The following GSKIP variants were observed in gnomAD, a reference collection of about 807,000 sequenced individuals.
GSKIP encodes GSK3B interacting protein, also known as GSK3B-interacting protein.
GSKIP carries 5 observed loss-of-function variants against 11.9 expected under a neutral mutation model. The ratio of observed to expected loss-of-function variants is 0.42; its 90% CI spans 0.22 to 0.89. GSKIP has a LOEUF of 0.89. Among genes scored for constraint, GSKIP ranks in the 40% least tolerant of loss-of-function variants. The pLI is 0.29. For synonymous variants in GSKIP, 70 were observed against 62.9 expected (o/e 1.11, Z -0.54); for missense variants, 150 against 166.6 (o/e 0.90, Z 0.55).
intron 2 of GSKIP, chr14:96,380,426 C>T (rs946711945): frequency 3.3e-5 from 5 of 152,142 alleles, no homozygotes. Flanking sequence ...TAATTTAGAG[C>T]AGTGGCTGCA....
intron 1 of GSKIP, among the ~76,000 whole-genome samples, chr14:96,369,834 C>G (rs1888995114): frequency 6.6e-6 from 1 of 152,148 alleles, no homozygotes; most frequent in Non-Finnish European, 1.5e-5. Flanking sequence ...AGAGTCTCCA[C>G]TGGGGTATTG....
intron 1 of GSKIP, among the ~76,000 whole-genome samples, chr14:96,377,525 C>T (rs1889234755): frequency 6.6e-6 from 1 of 152,090 alleles, no homozygotes; most frequent in Admixed American, 6.5e-5. Context: ...TCCATCTTTA[C>T]CTTCTGTTTA....
intron 2 of GSKIP, among the ~76,000 whole-genome samples, chr14:96,380,942 G>C (rs1042384946): frequency 6.6e-6 from 1 of 152,168 alleles, no homozygotes; most frequent in African/African-American, 2.4e-5. Flanking sequence ...ACTAGACCTT[G>C]ACCACAGTGC....
intron 1 of GSKIP, chr14:96,364,026 T>G (rs960723057): frequency 4.6e-5 from 7 of 152,288 alleles, no homozygotes; most frequent in Admixed American, 3.3e-4. Flanking sequence ...ATAGCAACGA[T>G]CAGGAAACTT....
At chr14:96,376,492 G>A (rs1210307642) in intron 1 of GSKIP, among the ~76,000 whole-genome samples, 2 of 152,180 alleles carry the variant, frequency 1.3e-5, no homozygotes, top group African/African-American at 4.8e-5. Context: ...ATTATAGAAT[G>A]TCAAAGCTCT....
At chr14:96,370,852 A>G (rs1413698036) in intron 1 of GSKIP, among the ~76,000 whole-genome samples, 1 of 152,202 alleles carries the variant, frequency 6.6e-6, no homozygotes, top group Non-Finnish European at 1.5e-5. Flanking sequence ...TCTTTACAGC[A>G]ATACATAGAG....
At chr14:96,365,362 T>C (rs774800364) in intron 1 of GSKIP, 3 of 151,562 alleles carry the variant, frequency 2.0e-5, no homozygotes, top group Non-Finnish European at 4.4e-5. Flanking sequence ...AGAGTTGTTT[T>C]CCATGCAAGG....
At chr14:96,371,442 C>CTTTTTT (rs570686090) in intron 1 of GSKIP, among the ~76,000 whole-genome samples, 1 of 112,800 alleles carries the variant, frequency 8.9e-6, no homozygotes, top group Non-Finnish European at 1.8e-5. Context: ...TATCAACAAT[C>CTTTTTT]TTTTTTTTTT....
chr14:96,386,400 G>A lies in GSKIP; in HGVS notation c.*716G>A, dbSNP rs1889491584. 6.6e-6 allele frequency: 1 copy of A among 152,542 alleles called. No homozygotes were observed. Among genetic ancestry groups the A allele is most frequent in the Non-Finnish European group, 1.5e-5 (1 of 68,020 alleles). The allele number at this position is 152,542 out of a possible 1,614,324, so 9.4% of individuals were successfully genotyped here. On this transcript the variant is annotated 3_prime_UTR_variant, in exon 4 of 4. Transcript: ENST00000555181. ...ATATCTAAGCACATAAGCAAATACAGGAACAGACTTCATTCTTTTTCTTAA... is the reference window on the plus strand; with the variant it reads ...ATATCTAAGCACATAAGCAAATACAAGAACAGACTTCATTCTTTTTCTTAA...
chr14:96,371,414 A>G (rs1053177551), intron 1 of GSKIP, among the ~76,000 whole-genome samples: 1 of 151,768 alleles, frequency 6.6e-6, no homozygotes, highest in Non-Finnish European at 1.5e-5. Flanking sequence ...GAAAATTAGA[A>G]TATTAAAAAA....
At chr14:96,370,781 C>A (rs1359444160) in intron 1 of GSKIP, among the ~76,000 whole-genome samples, 1 of 152,158 alleles carries the variant, frequency 6.6e-6, no homozygotes, top group Non-Finnish European at 1.5e-5. Flanking sequence ...TTGTGTACAG[C>A]CTGTGGAACG....
intron 2 of GSKIP, among the ~76,000 whole-genome samples, chr14:96,381,363 T>C (rs1236391442): frequency 6.6e-6 from 1 of 152,190 alleles, no homozygotes; most frequent in Non-Finnish European, 1.5e-5. Flanking sequence ...ATTCAGTAAA[T>C]GGTATTGGTA....
At chr14:96,378,894 C>G (rs7149907) in intron 1 of GSKIP, 27,211 of 152,252 alleles carry the variant, frequency 0.18, 2,630 homozygotes, top group Middle Eastern at 0.21. Context: ...GCTCTGGCCA[C>G]ATTTCTCTGT....
chr14:96,369,397 G>T (rs1163243020), intron 1 of GSKIP, among the ~76,000 whole-genome samples: 1 of 152,180 alleles, frequency 6.6e-6, no homozygotes, highest in Non-Finnish European at 1.5e-5. Context: ...CAGATAAAAG[G>T]GAGCCAGGTG....
intron 1 of GSKIP, among the ~76,000 whole-genome samples, chr14:96,373,851 T>A (rs1223837626): frequency 6.6e-6 from 1 of 152,164 alleles, no homozygotes; most frequent in Non-Finnish European, 1.5e-5. Flanking sequence ...TCAACAATAT[T>A]TATTACTTTT....
chr14:96,379,640 T>G (rs578219746), intron 1 of GSKIP, 48 bp from the exon 2 acceptor site: 1 of 152,324 alleles, frequency 6.6e-6, no homozygotes, highest in South Asian at 2.1e-4. Context: ...TCAGGGAAAG[T>G]GTCTTAAAAG....
At chr14:96,371,504 G>A (rs1267186813) in intron 1 of GSKIP, among the ~76,000 whole-genome samples, 1 of 146,500 alleles carries the variant, frequency 6.8e-6, no homozygotes, top group Admixed American at 6.8e-5. Context: ...GAGTACACTG[G>A]TGCAATCTCA....
intron 3 of GSKIP, among the ~76,000 whole-genome samples, chr14:96,383,381 C>T (rs908606151): frequency 6.7e-6 from 1 of 148,950 alleles, no homozygotes; most frequent in Non-Finnish European, 1.5e-5. Context: ...AGCCTGGGTA[C>T]ACAGACCCTG....
At chr14:96,377,451 C>T (rs1041209083) in intron 1 of GSKIP, among the ~76,000 whole-genome samples, 2 of 152,154 alleles carry the variant, frequency 1.3e-5, no homozygotes, top group African/African-American at 4.8e-5. Flanking sequence ...TTTTCTCATC[C>T]TCAATGGTAC....
Sources: gnomAD v4.1 joint callset for allele counts (sites outside exome capture counted in the v4.1 genomes callset) on GRCh38, gnomAD v4.1.1 for gene constraint, MANE v1.5 for transcripts, NCBI Gene and HGNC (gene_info 2026-07-23, HGNC 2026-07-21) for gene names.